The following TRAPPC12 variants were observed in gnomAD, a reference collection of about 807,000 sequenced individuals.
The protein encoded by TRAPPC12 is trafficking protein particle complex subunit 12, also known as TPR repeat protein 15.
Under a neutral mutation model 69.2 loss-of-function variants are expected in TRAPPC12, and 61 were observed. That is an observed-to-expected ratio of 0.88 (90% CI 0.72 to 1.09). The LOEUF is 1.09. Ranked by LOEUF, TRAPPC12 falls within the 50% of genes least tolerant of loss-of-function variation. TRAPPC12 has a pLI of 0.00. For synonymous variants in TRAPPC12, 469 were observed against 438.9 expected (o/e 1.07, Z -0.86); for missense variants, 1,101 against 1,016.4 (o/e 1.08, Z -1.13).
At chr2:3,422,313 G>A (rs1358677449) in intron 4 of TRAPPC12, among the ~76,000 whole-genome samples, 1 of 152,142 alleles carries the variant, frequency 6.6e-6, no homozygotes, top group Admixed American at 6.5e-5. Flanking sequence ...TCTGGGGCGT[G>A]TCTGGGCCCG....
In TRAPPC12 at chr2:3,414,776, G is replaced by C. The variant is rs1007301757; in HGVS notation, c.1165-7105G>C. ...TCATCGTGCGAGACTCCCCACCCCT[G>C]TGCCACCGGTCTCGGTGTCTCCCAC... On this transcript the variant is annotated intron_variant, in intron 3 of 11. Transcript: ENST00000324266. The surrounding 1 kb of genome is among the most constrained non-coding windows in gnomAD (Gnocchi z 4.9). 7.9e-5 allele frequency among the ~76,000 whole-genome samples: 12 copies of C among 151,902 alleles called. No homozygotes were observed. The highest frequency in any genetic ancestry group is 2.7e-4 in the African/African-American group (11 of 41,346).
intron 5 of TRAPPC12, among the ~76,000 whole-genome samples, chr2:3,432,466 T>A (rs1663494169): frequency 6.6e-6 from 1 of 152,254 alleles, no homozygotes; most frequent in African/African-American, 2.4e-5. Flanking sequence ...AACTTTTTTT[T>A]ATCAACACAT....
At chr2:3,468,229 C>T (rs1558407441) in intron 9 of TRAPPC12, among the ~76,000 whole-genome samples, 1 of 151,962 alleles carries the variant, frequency 6.6e-6, no homozygotes, top group Non-Finnish European at 1.5e-5. Context: ...TTCTTGAGGG[C>T]TCACTGGAAG....
intron 3 of TRAPPC12, among the ~76,000 whole-genome samples, chr2:3,403,084 G>A (rs772416998): frequency 1.3e-5 from 2 of 152,148 alleles, no homozygotes; most frequent in Admixed American, 6.5e-5. Context: ...CTCCATTTGG[G>A]TGAACAATCT....
chr2:3,392,289 C>T (rs1315910501), intron 2 of TRAPPC12, among the ~76,000 whole-genome samples: 1 of 93,196 alleles, frequency 1.1e-5, no homozygotes, highest in African/African-American at 5.3e-5. Context: ...ATGTCCCAGG[C>T]ATCCTCTCTC....
chr2:3,414,689 C>T lies in TRAPPC12; in HGVS notation c.1165-7192C>T, dbSNP rs1261484317. ...AGCTGTCAAGCGTGTCCATGCCGTGCCGCTTGTGCCTCTGCCCCGCGAGGG... is the reference window on the plus strand; with the variant it reads ...AGCTGTCAAGCGTGTCCATGCCGTGTCGCTTGTGCCTCTGCCCCGCGAGGG... On this transcript the variant is annotated intron_variant, in intron 3 of 11. Coordinates refer to ENST00000324266, the MANE Select transcript of TRAPPC12 (RefSeq NM_016030.6). The surrounding 1 kb of genome is among the most constrained non-coding windows in gnomAD (Gnocchi z 4.9). 3.3e-5 allele frequency among the ~76,000 whole-genome samples: 5 copies of T among 152,170 alleles called. No individual in the cohort carries two copies. Among genetic ancestry groups the T allele is most frequent in the South Asian group, 2.1e-4 (1 of 4,826 alleles).
In TRAPPC12 at chr2:3,414,956, T is replaced by C. The variant is rs1281927086; in HGVS notation, c.1165-6925T>C. On this transcript the variant is annotated intron_variant, in intron 3 of 11. Transcript: ENST00000324266. This position sits in a 1 kb window ranked among gnomAD's most constrained non-coding sequence, Gnocchi z 4.9. ...CACAGTGAGGTATGCACAGCAACCT[T>C]TCAGCTGTGGTTGGTTGAATCCACG... is the stretch of plus-strand genomic sequence containing the variant. Among the ~76,000 whole-genome samples, 1 of 152,164 alleles carries C rather than the reference T, an allele frequency of 6.6e-6. No individual in the cohort carries two copies. The highest frequency in any genetic ancestry group is 2.4e-5 in the African/African-American group (1 of 41,444).
chr2:3,476,063 G>A (rs568670780), intron 9 of TRAPPC12, among the ~76,000 whole-genome samples: 7 of 152,306 alleles, frequency 4.6e-5, no homozygotes, highest in South Asian at 4.1e-4. Context: ...GTGGGAAATC[G>A]ATAGTAGTGG....
intron 2 of TRAPPC12, among the ~76,000 whole-genome samples, chr2:3,389,159 A>G (rs1227562122): frequency 5.3e-5 from 8 of 152,250 alleles, no homozygotes; most frequent in African/African-American, 1.7e-4. Context: ...CGATCTCACT[A>G]CTAATGAAAG....
intron 5 of TRAPPC12, among the ~76,000 whole-genome samples, chr2:3,432,956 C>T (rs895611731): frequency 6.6e-6 from 1 of 152,218 alleles, no homozygotes; most frequent in African/African-American, 2.4e-5. Flanking sequence ...CTTCATGCTT[C>T]AGGGCTTTAG....
chr2:3,472,245 T>C (rs1404882318), intron 9 of TRAPPC12, among the ~76,000 whole-genome samples: 2 of 152,078 alleles, frequency 1.3e-5, no homozygotes, highest in African/African-American at 2.4e-5. Flanking sequence ...AGGGAAGCGC[T>C]GTGAAGCTGG....
Position 3,424,673 on chromosome 2 carries a change from T to C in TRAPPC12, c.1417+10T>C, listed in dbSNP as rs1297231664. The C allele has an allele frequency of 6.3e-7, 1 of 1,581,390 alleles. No homozygotes were observed. Among genetic ancestry groups the C allele is most frequent in the Non-Finnish European group, 8.6e-7 (1 of 1,166,746 alleles). On this transcript the variant is annotated intron_variant, in intron 5 of 11. Coordinates refer to ENST00000324266, the MANE Select transcript of TRAPPC12 (RefSeq NM_016030.6). ...TACCCTGGGCGCAGGGGTAAGGCCA[T>C]GGTATTTAATATTTGTACATTTGTC...
In TRAPPC12 at chr2:3,382,954, A is replaced by G. The variant is rs566340577; in HGVS notation, c.-5+3078A>G. Among the ~76,000 whole-genome samples the G allele has an allele frequency of 5.3e-5, 8 of 152,310 alleles. No homozygotes were observed. The South Asian group carries it at 1.7e-3, about 32-fold the overall frequency. On this transcript the variant is annotated intron_variant, in intron 1 of 11. Transcript: ENST00000324266. ...AATAATAATACTAATAAAATAATAG[A>G]AATAACTTAAACCATGGGTGAAAAA...
At chr2:3,448,938 T>G (rs1371522180) in intron 6 of TRAPPC12, among the ~76,000 whole-genome samples, 3 of 152,200 alleles carry the variant, frequency 2.0e-5, no homozygotes, top group Non-Finnish European at 2.9e-5. Flanking sequence ...TGTTTTAGAT[T>G]AGAACAGTGT....
At chr2:3,417,285 T>A (rs1322752966) in intron 3 of TRAPPC12, among the ~76,000 whole-genome samples, 3 of 152,208 alleles carry the variant, frequency 2.0e-5, no homozygotes, top group Non-Finnish European at 4.4e-5. Context: ...TTGGTTAGTT[T>A]GTTTCTGGGT....
At chr2:3,409,290 C>T (rs538890335) in intron 3 of TRAPPC12, among the ~76,000 whole-genome samples, 55 of 152,214 alleles carry the variant, frequency 3.6e-4, no homozygotes, top group Non-Finnish European at 7.2e-4. Context: ...TATTCCTGTG[C>T]CTAGAAATGT....
At chr2:3,453,402 T>G (rs966381910) in intron 6 of TRAPPC12, among the ~76,000 whole-genome samples, 7 of 152,136 alleles carry the variant, frequency 4.6e-5, no homozygotes, top group Non-Finnish European at 1.0e-4. Context: ...GCCCCTGTGG[T>G]CACTCTGCCC....
chr2:3,477,145 G>A (rs549017312), intron 9 of TRAPPC12, among the ~76,000 whole-genome samples: 3 of 152,296 alleles, frequency 2.0e-5, no homozygotes, highest in African/African-American at 4.8e-5. Context: ...TGCTGCATCC[G>A]GCTGCATTTC....
chr2:3,460,172 A>C (rs1463553729), intron 7 of TRAPPC12, 91 bp from the exon 8 acceptor site: 1 of 826,662 alleles, frequency 1.2e-6, no homozygotes, highest in Admixed American at 1.8e-5. Context: ...GATCTTTTAA[A>C]GTTAAATTAG....
Sources: gnomAD v4.1 joint callset for allele counts (sites outside exome capture counted in the v4.1 genomes callset) on GRCh38, gnomAD v4.1.1 for gene constraint, Gnocchi (gnomAD v3.1) non-coding constraint, MANE v1.5 for transcripts, NCBI Gene and HGNC (gene_info 2026-07-23, HGNC 2026-07-21) for gene names.